Variants in ERMP1 observed in about 807,000 individuals in gnomAD.
ERMP1 encodes the protein endoplasmic reticulum metallopeptidase 1, also known as Felix-ina.
In ERMP1, 86 loss-of-function variants were observed where a neutral mutation model predicts 92.0. The observed-to-expected ratio is 0.93, with a 90% CI of 0.79 to 1.12. The LOEUF (loss-of-function observed/expected upper bound fraction) is 1.12. Ranked by LOEUF, ERMP1 falls within the 50% of genes most tolerant of loss-of-function variation. ERMP1 has a pLI of 0.00. For missense variants in ERMP1, 1,342 were observed against 1,116.3 expected, an observed-to-expected ratio of 1.20 and a Z score of -2.88; for synonymous variants, 530 against 412.8, an observed-to-expected ratio of 1.28 and a Z score of -3.44.
intron 2 of ERMP1, among the ~76,000 whole-genome samples, chr9:5,829,946 T>C (rs1292294225): frequency 6.6e-6 from 1 of 152,266 alleles, no homozygotes; most frequent in Non-Finnish European, 1.5e-5. Context: ...GGGATTCCCA[T>C]TCATTTGACA....
intron 13 of ERMP1, among the ~76,000 whole-genome samples, chr9:5,789,093 C>G (rs1057492713): frequency 6.6e-6 from 1 of 152,022 alleles, no homozygotes; most frequent in South Asian, 2.1e-4. Flanking sequence ...CGAAACAGAA[C>G]TAATATTTAA....
Position 5,856,318 on chromosome 9 carries a change from C to A in ERMP1, n.3199+3150G>T, listed in dbSNP as rs554567700. 11 of 231,916 alleles carry A rather than the reference C, an allele frequency of 4.7e-5. 1 individual carries two copies. The South Asian group carries it at 6.6e-4, about 14-fold the overall frequency. 14.4% of individuals were successfully genotyped at this position (231,916 alleles called of 1,614,324 possible). ...GCCATGTCAGTAACTTCGGTGTTGGCCTTGGTGTTCTCCCGCAAGAAATGG... is the reference window on the plus strand; with the variant it reads ...GCCATGTCAGTAACTTCGGTGTTGGACTTGGTGTTCTCCCGCAAGAAATGG... On this transcript the variant is annotated intron_variant and non_coding_transcript_variant, in intron 6 of 6. Coordinates refer to the ERMP1 transcript ENST00000690753.
chr9:5,857,406 G>C (rs1830391343), intron 6 of ERMP1, among the ~76,000 whole-genome samples: 1 of 152,140 alleles, frequency 6.6e-6, no homozygotes, highest in Non-Finnish European at 1.5e-5. Flanking sequence ...TGCACATCCA[G>C]CAACTCAAAA....
At chr9:5,847,361 T>A (rs1015027098) in intron 6 of ERMP1, among the ~76,000 whole-genome samples, 3 of 151,950 alleles carry the variant, frequency 2.0e-5, no homozygotes, top group African/African-American at 4.8e-5. Context: ...GCCTCAGCCC[T>A]CCAAGTAGCT....
rs1439901984 is a variant in ERMP1, at chr9:5,785,511, G to T, written c.*1633C>A. 6.6e-6 allele frequency: 1 copy of T among 152,240 alleles called. No homozygotes were observed. The highest frequency in any genetic ancestry group is 2.4e-5 in the African/African-American group (1 of 41,430). The allele number at this position is 152,240 out of a possible 1,614,324, so 9.4% of individuals were successfully genotyped here. On this transcript the variant is annotated 3_prime_UTR_variant, in exon 15 of 15. Transcript: ENST00000339450. ...AATGATTCCAGTGTGCAGTGCTGAT[G>T]CATGTGTGAGCCTAACATGTTATTC...
chr9:5,830,263 A>T (rs1387077323), intron 2 of ERMP1, among the ~76,000 whole-genome samples: 1 of 152,138 alleles, frequency 6.6e-6, no homozygotes, highest in African/African-American at 2.4e-5. Context: ...TTCTTCTTCC[A>T]ATGTGGCCCA....
At chr9:5,787,701 A>G in intron 13 of ERMP1, 108 bp from the exon 14 acceptor site, 1 of 1,100,878 alleles carries the variant, frequency 9.1e-7, no homozygotes, top group Non-Finnish European at 1.3e-6. Flanking sequence ...ATGACTTTAA[A>G]TATACTTACT....
intron 6 of ERMP1, among the ~76,000 whole-genome samples, chr9:5,841,755 T>A (rs921382835): frequency 9.2e-5 from 14 of 152,180 alleles, no homozygotes; most frequent in African/African-American, 3.1e-4. Flanking sequence ...TGCGCCAATG[T>A]GTGTCCGGAA....
At chr9:5,846,701 T>A (rs896226573) in intron 6 of ERMP1, among the ~76,000 whole-genome samples, 7 of 152,308 alleles carry the variant, frequency 4.6e-5, no homozygotes, top group Admixed American at 2.0e-4. Context: ...CCTTTGCAAC[T>A]GGTCCATAGC....
At chr9:5,801,100 T>G in intron 11 of ERMP1, 76 bp downstream of exon 11, 1 of 1,466,326 alleles carries the variant, frequency 6.8e-7, no homozygotes, top group Non-Finnish European at 9.2e-7. Flanking sequence ...CAGCTGCGCT[T>G]GCTATTCACT....
In ERMP1 at chr9:5,787,082, T is replaced by G. The variant is rs1046977165; in HGVS notation, c.*62A>C. On this transcript the variant is annotated 3_prime_UTR_variant, in exon 15 of 15. Coordinates refer to ENST00000339450, the MANE Select transcript of ERMP1 (RefSeq NM_024896.3). Reference sequence around the variant, plus strand: ...TTACGTTACAAACATCCACGTAACATAGGGAGAAACCATGTCACATGGAGT... The same window carrying G: ...TTACGTTACAAACATCCACGTAACAGAGGGAGAAACCATGTCACATGGAGT... 6.8e-7 allele frequency: 1 copy of G among 1,463,360 alleles called. No homozygotes were observed. The highest frequency in any genetic ancestry group is 2.1e-5 in the Admixed American group (1 of 48,176). 90.6% of individuals were successfully genotyped at this position (1,463,360 alleles called of 1,614,324 possible). A position where few individuals can be genotyped will look rare whatever the true frequency, so the allele number is the denominator to read the frequency against.
At chr9:5,812,806 G>A (rs1212719185) in intron 5 of ERMP1, 83 bp downstream of exon 5, 10 of 1,445,266 alleles carry the variant, frequency 6.9e-6, no homozygotes, top group Non-Finnish European at 9.7e-6. Context: ...AGAAAATGCT[G>A]TTTACTCACA....
intron 5 of ERMP1, 52 bp downstream of exon 5, chr9:5,812,837 T>A (rs1228429291): frequency 6.2e-7 from 1 of 1,601,638 alleles, no homozygotes; most frequent in Admixed American, 1.7e-5. Flanking sequence ...ATTTAAAATT[T>A]GCTTTTGATA....
At chr9:5,809,577 C>T (rs1233877968) in intron 8 of ERMP1, among the ~76,000 whole-genome samples, 1 of 152,192 alleles carries the variant, frequency 6.6e-6, no homozygotes, top group South Asian at 2.1e-4. Context: ...CAAATACTTG[C>T]TGTGTGTTAA....
At chr9:5,826,696 ATGC>A (rs1163393589) in intron 2 of ERMP1, among the ~76,000 whole-genome samples, 12 of 152,372 alleles carry the variant, frequency 7.9e-5, no homozygotes, top group African/African-American at 2.9e-4. Context: ...CAAATAGAAA[ATGC>A]TGCTATTAGC....
chr9:5,856,605 G>A (rs527914000), intron 6 of ERMP1, among the ~76,000 whole-genome samples: 2 of 152,262 alleles, frequency 1.3e-5, no homozygotes, highest in Non-Finnish European at 2.9e-5. Context: ...AGCCCTGTGC[G>A]GGGACTAACT....
chr9:5,812,784 G>C, intron 5 of ERMP1, 105 bp downstream of exon 5: 1 of 1,265,908 alleles, frequency 7.9e-7, no homozygotes, highest in African/African-American at 1.5e-5. Context: ...CTCACATAAA[G>C]AATTTGATCT....
chr9:5,864,796 T>C (rs1830603813), intron 5 of ERMP1, among the ~76,000 whole-genome samples: 2 of 152,220 alleles, frequency 1.3e-5, no homozygotes, highest in South Asian at 4.1e-4. Flanking sequence ...TTAGGAGGTG[T>C]CTTGCAGAGT....
chr9:5,836,457 T>TGACA (rs1398305728), upstream of ERMP1, among the ~76,000 whole-genome samples: 1 of 152,172 alleles, frequency 6.6e-6, no homozygotes, highest in Non-Finnish European at 1.5e-5. Flanking sequence ...TGTCAAAAGC[T>TGACA]GACAGGCAGA....
Sources: gnomAD v4.1 joint callset for allele counts (sites outside exome capture counted in the v4.1 genomes callset) on GRCh38, gnomAD v4.1.1 for gene constraint, MANE v1.5 for transcripts, NCBI Gene and HGNC (gene_info 2026-07-23, HGNC 2026-07-21) for gene names.